The following NAXD variants were observed in gnomAD, a reference collection of about 807,000 sequenced individuals.
NAXD encodes the protein NAD(P)HX dehydratase, also known as ATP-dependent (S)-NAD(P)H-hydrate dehydratase.
NAXD carries 22 observed loss-of-function variants against 35.8 expected under a neutral mutation model. That is an observed-to-expected ratio of 0.62 (90% CI 0.44 to 0.88). The LOEUF is 0.88. NAXD is among the 40% of genes least tolerant of loss of function. The pLI, the probability that NAXD is intolerant of heterozygous loss-of-function variation, is 0.00. For missense variants in NAXD, 428 were observed against 437.7 expected, an observed-to-expected ratio of 0.98 and a Z score of 0.20; for synonymous variants, 189 against 177.6, an observed-to-expected ratio of 1.06 and a Z score of -0.51.
At chr13:110,634,620 C>A (rs1262970010) in intron 6 of NAXD, 25 bp downstream of exon 6, 1 of 1,614,004 alleles carries the variant, frequency 6.2e-7, no homozygotes, top group African/African-American at 1.3e-5. Flanking sequence ...CTCCTCCTGG[C>A]TCGGACTCCC....
chr13:110,625,066 C>T (rs926079630), intron 3 of NAXD, 124 bp from the exon 4 acceptor site: 21 of 680,768 alleles, frequency 3.1e-5, no homozygotes, highest in Admixed American at 1.2e-4. Flanking sequence ...GGGTGTAATC[C>T]GAGCTAGTAC....
Position 110,615,574 on chromosome 13 carries a change from G to A in NAXD, c.-28G>A. ...GCTGTGTTTCCGGCGACGGCGCGGG[G>A]GCAGCTGGGAATCCGGAATGCTGCC... On this transcript the variant is annotated 5_prime_UTR_variant, in exon 1 of 10. Coordinates refer to ENST00000680254, the MANE Select transcript of NAXD (RefSeq NM_001242882.2). 7.4e-7 allele frequency: 1 copy of A among 1,342,800 alleles called. No homozygotes were observed. The highest frequency in any genetic ancestry group is 9.6e-7 in the Non-Finnish European group (1 of 1,045,760). 83.2% of individuals were successfully genotyped at this position (1,342,800 alleles called of 1,614,324 possible). A position where few individuals can be genotyped will look rare whatever the true frequency, so the allele number is the denominator to read the frequency against.
chr13:110,629,825 A>G (rs867458835), intron 5 of NAXD, among the ~76,000 whole-genome samples: 6 of 152,082 alleles, frequency 3.9e-5, no homozygotes, highest in Middle Eastern at 3.4e-3. Flanking sequence ...CGGCTGCACT[A>G]TTTTCCATTC....
At chr13:110,625,112 C>A in intron 3 of NAXD, 78 bp from the exon 4 acceptor site, 1 of 1,029,462 alleles carries the variant, frequency 9.7e-7, no homozygotes. Flanking sequence ...GAGTAATGAG[C>A]GCTGGACGCC....
In NAXD at chr13:110,637,266, A is replaced by G. The variant is rs2139654372; in HGVS notation, c.839+17A>G. The G allele has an allele frequency of 6.2e-7, 1 of 1,613,698 alleles. No homozygotes were observed. Among genetic ancestry groups the G allele is most frequent in the Non-Finnish European group, 8.5e-7 (1 of 1,179,852 alleles). On this transcript the variant is annotated intron_variant, in intron 9 of 9. Coordinates refer to ENST00000680254, the MANE Select transcript of NAXD (RefSeq NM_001242882.2). The stretch of plus-strand genomic sequence containing the variant: ...AACAAATGGGTAAGGCCACGTCTTC[A>G]TTTATTCTACTTTGAAACCGTCTGA...
In NAXD at chr13:110,627,471, A is replaced by C; in HGVS notation, c.365A>C (p.Lys122Thr). The part of the protein sequence containing the change: ...DSPNAVHEVE[K>T]WLPRLHALVV... Reference sequence around the variant, plus strand: ...CCCAATGCTGTTCATGAGGTGGAGAAGTGGCTGCCCCGGCTGCATGCTCTT... The same window carrying C: ...CCCAATGCTGTTCATGAGGTGGAGACGTGGCTGCCCCGGCTGCATGCTCTT... The change falls in exon 5 of 10, where the codon AAG becomes ACG. Residue 122 changes from lysine to threonine, a missense_variant. Lys to Thr is a moderately conservative substitution (Grantham distance 78). Transcript: ENST00000680254. 2 of 1,614,140 alleles carry C rather than the reference A, an allele frequency of 1.2e-6. No homozygotes were observed. The highest frequency in any genetic ancestry group is 1.7e-6 in the Non-Finnish European group (2 of 1,179,992).
At chr13:110,616,893 T>A (rs1321126512) in intron 1 of NAXD, among the ~76,000 whole-genome samples, 5 of 152,240 alleles carry the variant, frequency 3.3e-5, no homozygotes. Flanking sequence ...TCAGAGAGTT[T>A]GGCTTTTTGT....
chr13:110,627,488 C>A lies in NAXD; in HGVS notation c.382C>A (p.His128Asn), dbSNP rs964362259. 9.9e-6 allele frequency: 16 copies of A among 1,614,050 alleles called. No individual in the cohort carries two copies. The African/African-American group carries it at 2.1e-4, about 22-fold the overall frequency. The stretch of plus-strand genomic sequence containing the variant: ...GGTGGAGAAGTGGCTGCCCCGGCTG[C>A]ATGCTCTTGTCGTAGGACCTGGCTT... ...HEVEKWLPRL[H>N]ALVVGPGLGR... Residue 128 changes from histidine to asparagine, a missense_variant, in exon 5 of 10, where the codon CAT becomes AAT. Physicochemically the swap from His to Asn is moderately conservative, Grantham distance 68 (BLOSUM62 1). Coordinates refer to ENST00000680254, the MANE Select transcript of NAXD (RefSeq NM_001242882.2).
Position 110,635,479 on chromosome 13 carries a change from T to C in NAXD, c.609T>C (p.Pro203=), listed in dbSNP as rs768896821. ...SRLYDAVLRG[P]MDSDDSHGSV... The stretch of plus-strand genomic sequence containing the variant: ...CTGTGTTGTCATAGCTCAGAGGCCC[T>C]ATGGACAGCGATGACAGCCATGGAT... The change falls in exon 8 of 10, where the codon CCT becomes CCC. Residue 203 remains proline, a synonymous_variant. Transcript: ENST00000680254. 1 of 1,614,036 alleles carries C rather than the reference T, an allele frequency of 6.2e-7. No homozygotes were observed. The highest frequency in any genetic ancestry group is 2.2e-5 in the East Asian group (1 of 44,874).
chr13:110,638,410 C>T lies in NAXD; in HGVS notation c.872C>T (p.Ala291Val), dbSNP rs754821796. 3.1e-6 allele frequency: 5 copies of T among 1,613,708 alleles called. No homozygotes were observed. The highest frequency in any genetic ancestry group is 4.2e-6 in the Non-Finnish European group (5 of 1,180,026). The change falls in exon 10 of 10, where the codon GCC becomes GTC. Residue 291 changes from alanine (A) to valine (V), a missense_variant. Physicochemically the swap from Ala to Val is moderately conservative, Grantham distance 64 (BLOSUM62 0). Transcript: ENST00000680254. The surrounding 1 kb of genome is among the most constrained non-coding windows in gnomAD (Gnocchi z 5.4). ...CCTCTCCTGGTGGCCGCGTTTGGCG[C>T]CTGCTCTCTCACCAGGCAGTGCAAC... is the stretch of plus-strand genomic sequence containing the variant. ...SSPLLVAAFG[A>V]CSLTRQCNHQ...
At chr13:110,637,381 G>T in intron 9 of NAXD, 132 bp downstream of exon 9, 1 of 1,101,950 alleles carries the variant, frequency 9.1e-7, no homozygotes. Context: ...GAGAGATCTC[G>T]GCACAGACGA....
chr13:110,623,091 A>G (rs1886327961), intron 2 of NAXD, among the ~76,000 whole-genome samples: 1 of 152,136 alleles, frequency 6.6e-6, no homozygotes, highest in South Asian at 2.1e-4. Context: ...CCCTTGGAGG[A>G]CAACCTTTGC....
chr13:110,637,230 G>A lies in NAXD; in HGVS notation c.820G>A (p.Gly274Arg). 1 of 1,614,056 alleles carries A rather than the reference G, an allele frequency of 6.2e-7. No individual in the cohort carries two copies. The highest frequency in any genetic ancestry group is 8.5e-7 in the Non-Finnish European group (1 of 1,179,978). ...GVLVHWALLA[G>R]PQKTNGSSPL... The stretch of plus-strand genomic sequence containing the variant: ...CCTGGTACACTGGGCGCTCCTTGCT[G>A]GACCACAGAAAACAAATGGGTAAGG... The change falls in exon 9 of 10, where the codon GGA (glycine) becomes AGA (arginine). Residue 274 changes from glycine (G) to arginine (R), a missense_variant. Gly to Arg is a moderately radical substitution (Grantham distance 125). Coordinates refer to ENST00000680254, the MANE Select transcript of NAXD (RefSeq NM_001242882.2).
rs748126192 is a variant in NAXD at position 110,638,364 on chromosome 13, C to T, written c.840-14C>T. On this transcript the variant is annotated splice_polypyrimidine_tract_variant and intron_variant, in intron 9 of 9. Transcript: ENST00000680254. The surrounding 1 kb of genome is among the most constrained non-coding windows in gnomAD (Gnocchi z 5.4). ...CCCACTTCCCCACACCTCCTGCTGT[C>T]CCCCTCTCCGCAGGTCCAGCCCTCT... 7 of 1,613,824 alleles carry T rather than the reference C, an allele frequency of 4.3e-6. No homozygotes were observed. Among genetic ancestry groups the T allele is most frequent in the Non-Finnish European group, 5.9e-6 (7 of 1,180,028 alleles).
intron 3 of NAXD, among the ~76,000 whole-genome samples, chr13:110,624,484 G>GT (rs1886386371): frequency 6.6e-6 from 1 of 152,154 alleles, no homozygotes; most frequent in African/African-American, 2.4e-5. Context: ...TTGAGACAGA[G>GT]TTTCGCTCTT....
rs1269050754 is a variant in NAXD, at chr13:110,625,282, A to T, written c.332+4A>T. 1 of 1,605,974 alleles carries T rather than the reference A, an allele frequency of 6.2e-7. No homozygotes were observed. The highest frequency in any genetic ancestry group is 8.5e-7 in the Non-Finnish European group (1 of 1,172,912). ...AGCTGATCGTCCACCCAGTTCTGTG[A>T]GTCGCTCTGCGCCGGCTTCTCGTAG... On this transcript the variant is annotated splice_donor_region_variant and intron_variant, in intron 4 of 9. Coordinates refer to ENST00000680254, the MANE Select transcript of NAXD (RefSeq NM_001242882.2).
At chr13:110,635,198 C>T (rs1176863756) in intron 7 of NAXD, among the ~76,000 whole-genome samples, 1 of 152,224 alleles carries the variant, frequency 6.6e-6, no homozygotes, top group Non-Finnish European at 1.5e-5. Context: ...CTGCAAAGCT[C>T]TCAGAACCCA....
chr13:110,620,729 CTG>C (rs1395546035), intron 1 of NAXD, among the ~76,000 whole-genome samples: 1 of 152,028 alleles, frequency 6.6e-6, no homozygotes, highest in Non-Finnish European at 1.5e-5. Context: ...AAAAGTAAAA[CTG>C]TAAGAGTTAA....
rs1193502997 is a variant in NAXD, at chr13:110,622,302, C to T, written c.133C>T (p.Pro45Ser). The change falls in exon 2 of 10, where the codon CCT becomes TCT. Residue 45 changes from proline (P) to serine (S), a missense_variant. Around this residue, in one of 3 missense-constraint regions of NAXD, gnomAD observed 208 missense variants for 193.0 expected, o/e 1.08. Coordinates refer to ENST00000680254, the MANE Select transcript of NAXD (RefSeq NM_001242882.2). ...TLQLVRNIIP[P>S]LSSTKHKGQD... ...GCAGCTGGTGAGAAATATCATACCTCCTCTGTCTTCCACAAAGCACAAAGG... is the reference window on the plus strand; with the variant it reads ...GCAGCTGGTGAGAAATATCATACCTTCTCTGTCTTCCACAAAGCACAAAGG... 3 of 1,614,174 alleles carry T rather than the reference C, an allele frequency of 1.9e-6. No individual in the cohort carries two copies. The highest frequency in any genetic ancestry group is 2.5e-6 in the Non-Finnish European group (3 of 1,180,018).
Sources: allele counts gnomAD v4.1 joint callset (sites outside exome capture counted in the v4.1 genomes callset), GRCh38; gene constraint gnomAD v4.1.1; regional missense constraint gnomAD v4.1.1; non-coding constraint Gnocchi (gnomAD v3.1); transcripts MANE v1.5; gene names NCBI Gene and HGNC (gene_info 2026-07-23, HGNC 2026-07-21).